The following SEC16A variants were observed in gnomAD, a reference collection of about 807,000 sequenced individuals.
SEC16A encodes the protein SEC16 homolog A, endoplasmic reticulum export factor, also known as protein transport protein Sec16A.
In SEC16A, 110 loss-of-function variants were observed where a neutral mutation model predicts 221.9. That is an observed-to-expected ratio of 0.50 (90% CI 0.42 to 0.58). The LOEUF (loss-of-function observed/expected upper bound fraction) is 0.58. Among genes scored for constraint, SEC16A ranks in the 20% least tolerant of loss-of-function variants. SEC16A has a pLI of 0.00. For synonymous variants in SEC16A, 1,393 were observed against 1,257.7 expected (o/e 1.11, Z -2.28); for missense variants, 3,165 against 3,097.8 (o/e 1.02, Z -0.52).
At chr9:136,483,285 G>A, upstream of SEC16A, among the ~76,000 whole-genome samples, 1 of 93,790 alleles carries the variant, frequency 1.1e-5, no homozygotes, top group Non-Finnish European at 2.0e-5. Flanking sequence ...CTTTCGTCCC[G>A]CCCCCCGCCC....
intron 2 of SEC16A, among the ~76,000 whole-genome samples, chr9:136,478,176 G>A (rs898558978): frequency 2.0e-5 from 3 of 152,138 alleles, no homozygotes; most frequent in Admixed American, 6.5e-5. Flanking sequence ...AGGCCAAGGC[G>A]GGAGGACCAC....
chr9:136,467,860 A>C (rs1840350943), intron 5 of SEC16A, among the ~76,000 whole-genome samples: 2 of 152,198 alleles, frequency 1.3e-5, no homozygotes, highest in Admixed American at 6.5e-5. Flanking sequence ...TGACCGGAGG[A>C]GGCTCTTCCC....
At chr9:136,480,103 C>G (rs189781155) in intron 1 of SEC16A, among the ~76,000 whole-genome samples, 19 of 152,284 alleles carry the variant, frequency 1.2e-4, no homozygotes, top group African/African-American at 4.6e-4. Context: ...CATCTGAAAA[C>G]AAAGAATGTT....
intron 2 of SEC16A, among the ~76,000 whole-genome samples, chr9:136,478,361 C>T (rs1348758663): frequency 6.7e-6 from 1 of 148,728 alleles, no homozygotes; most frequent in Non-Finnish European, 1.5e-5. Flanking sequence ...TATGACAGCA[C>T]CACTACCCTT....
chr9:136,478,119 A>G (rs926798485), intron 2 of SEC16A, among the ~76,000 whole-genome samples: 5 of 152,216 alleles, frequency 3.3e-5, no homozygotes, highest in African/African-American at 1.2e-4. Flanking sequence ...AAGAAAGAAA[A>G]ACTGGCCAGA....
intron 2 of SEC16A, among the ~76,000 whole-genome samples, 176 bp downstream of exon 2, chr9:136,478,533 A>G (rs1233019239): frequency 6.6e-6 from 1 of 152,206 alleles, no homozygotes; most frequent in African/African-American, 2.4e-5. Context: ...TATGAAGTAT[A>G]GTTATAAAAG....
intron 20 of SEC16A, among the ~76,000 whole-genome samples, chr9:136,454,612 C>T (rs1379924007): frequency 2.6e-5 from 4 of 152,106 alleles, no homozygotes; most frequent in Non-Finnish European, 5.9e-5. Context: ...CCATGGCGGC[C>T]GCCTGGCACA....
chr9:136,474,554 T>C lies in SEC16A; in HGVS notation c.3062A>G (p.Gln1021Arg), dbSNP rs377041553. 2.0e-5 allele frequency: 33 copies of C among 1,612,776 alleles called. No homozygotes were observed. The highest frequency in any genetic ancestry group is 2.8e-5 in the Non-Finnish European group (33 of 1,179,814). ...TTGTCTGGGATGACTGGCAACACTTTGCTGAGAAGCGAGGCTGTCAGAATG... is the reference window on the plus strand; with the variant it reads ...TTGTCTGGGATGACTGGCAACACTTCGCTGAGAAGCGAGGCTGTCAGAATG... ...PSHSDSLASQ[Q>R]SVASHPRQSG... is the part of the protein sequence containing the mutation. Residue 1021 changes from glutamine to arginine, a missense_variant, in exon 3 of 32, where the codon CAA (glutamine) becomes CGA (arginine). Transcript: ENST00000684901.
At chr9:136,448,750 G>C in intron 23 of SEC16A, 1 of 711,832 alleles carries the variant, frequency 1.4e-6, no homozygotes, top group Non-Finnish European at 2.6e-6. Context: ...ATGGAGGTGG[G>C]GGGCAGATCC....
chr9:136,456,922 C>T (rs992607458), intron 18 of SEC16A, among the ~76,000 whole-genome samples: 1 of 152,146 alleles, frequency 6.6e-6, no homozygotes, highest in South Asian at 2.1e-4. Context: ...AATCCCAGCA[C>T]TTTGGGAGGC....
intron 3 of SEC16A, among the ~76,000 whole-genome samples, chr9:136,473,600 T>A (rs559016791): frequency 6.6e-6 from 1 of 152,344 alleles, no homozygotes; most frequent in East Asian, 1.9e-4. Flanking sequence ...TTTCTCTCCA[T>A]GTTTTTATTC....
Position 136,476,131 on chromosome 9 carries a change from T to C in SEC16A, c.1485A>G (p.Pro495=), listed in dbSNP as rs1185001821. The C allele has an allele frequency of 1.2e-6, 2 of 1,613,638 alleles. No individual in the cohort carries two copies. The highest frequency in any genetic ancestry group is 1.3e-5 in the African/African-American group (1 of 74,924). The change falls in exon 3 of 32, where the codon CCA becomes CCG. Residue 495 remains proline (P), a synonymous_variant. Coordinates refer to ENST00000684901, the MANE Select transcript of SEC16A (RefSeq NM_014866.2). ...DQFRYGPLPG[P]AVPRHGAVCH... The stretch of plus-strand genomic sequence containing the variant: ...ACACAGCACCATGCCTGGGCACAGC[T>C]GGCCCAGGAAGGGGCCCATATCTGA...
chr9:136,455,448 G>A (rs538782280), intron 20 of SEC16A, among the ~76,000 whole-genome samples, 153 bp downstream of exon 20: 8 of 152,238 alleles, frequency 5.3e-5, no homozygotes, highest in Admixed American at 2.0e-4. Flanking sequence ...GGAGGAGACC[G>A]AGGAGCCCCA....
At chr9:136,458,921 G>A (rs1839097081) in intron 17 of SEC16A, among the ~76,000 whole-genome samples, 1 of 152,118 alleles carries the variant, frequency 6.6e-6, no homozygotes, top group Non-Finnish European at 1.5e-5. Context: ...AAAAGCTCAT[G>A]AAAATAATTG....
Position 136,476,100 on chromosome 9 carries a change from T to C in SEC16A, c.1516A>G (p.Thr506Ala), listed in dbSNP as rs774487311. 11 of 1,613,514 alleles carry C rather than the reference T, an allele frequency of 6.8e-6. No individual in the cohort carries two copies. The highest frequency in any genetic ancestry group is 5.0e-5 in the Admixed American group (3 of 59,978). Residue 506 changes from threonine (T) to alanine (A), a missense_variant, in exon 3 of 32, where the codon ACC becomes GCC. Thr to Ala is a moderately conservative substitution (Grantham distance 58). Around this residue, in one of 3 missense-constraint regions of SEC16A, gnomAD observed 2,030 missense variants for 1,923.1 expected, o/e 1.06. Transcript: ENST00000684901. ...AVPRHGAVCHTGAPDATLHTV... is the reference protein window; with the variant it reads ...AVPRHGAVCHAGAPDATLHTV... ...TGCAGTGTGGCATCAGGGGCTCCGGTGTGGCACACAGCACCATGCCTGGGC... is the reference window on the plus strand; with the variant it reads ...TGCAGTGTGGCATCAGGGGCTCCGGCGTGGCACACAGCACCATGCCTGGGC...
Position 136,447,557 on chromosome 9 carries a change from G to A in SEC16A, c.6559+12C>T. 6.2e-7 allele frequency: 1 copy of A among 1,604,104 alleles called. No individual in the cohort carries two copies. Among genetic ancestry groups the A allele is most frequent in the Non-Finnish European group, 8.5e-7 (1 of 1,170,964 alleles). On this transcript the variant is annotated intron_variant, in intron 26 of 31. Transcript: ENST00000684901. The surrounding 1 kb of genome is among the most constrained non-coding windows in gnomAD (Gnocchi z 5.5). ...TCGTTCAAGCAAGCTCCCACTCCAA[G>A]GCCACCCTTACCTGCTCTTCTAGAG...
chr9:136,451,136 G>C lies in SEC16A; in HGVS notation c.6312+120C>G. ...ATGCCGTGTGCACTGTAGACACTCGGCTGTTTGTATCAGGAGGCTATTTGC... is the reference window on the plus strand; with the variant it reads ...ATGCCGTGTGCACTGTAGACACTCGCCTGTTTGTATCAGGAGGCTATTTGC... On this transcript the variant is annotated intron_variant, in intron 23 of 31. Coordinates refer to ENST00000684901, the MANE Select transcript of SEC16A (RefSeq NM_014866.2). 3.9e-6 allele frequency: 4 copies of C among 1,035,064 alleles called. No individual in the cohort carries two copies. In the South Asian group the frequency reaches 6.2e-5, roughly 16 times the overall value. 64.1% of individuals were successfully genotyped at this position (1,035,064 alleles called of 1,614,324 possible). A position where few individuals can be genotyped will look rare whatever the true frequency, so the allele number is the denominator to read the frequency against.
Position 136,474,746 on chromosome 9 carries a change from C to G in SEC16A, c.2870G>C (p.Ser957Thr). 1 of 1,613,902 alleles carries G rather than the reference C, an allele frequency of 6.2e-7. No homozygotes were observed. The highest frequency in any genetic ancestry group is 8.5e-7 in the Non-Finnish European group (1 of 1,179,876). The change falls in exon 3 of 32, where the codon AGC becomes ACC. Residue 957 changes from serine (S) to threonine (T), a missense_variant. Transcript: ENST00000684901. The stretch of plus-strand genomic sequence containing the variant: ...CACCACACTTGTGCTTCCAGCAGGG[C>G]TATTAGCAAATCCGGGAAGAGCACT... The part of the protein sequence containing the change: ...AGSALPGFAN[S>T]PAGSTSVVLV...
chr9:136,451,434 C>G (rs776959826), intron 22 of SEC16A, 26 bp from the exon 23 acceptor site: 1 of 1,568,100 alleles, frequency 6.4e-7, no homozygotes, highest in Non-Finnish European at 8.6e-7. Context: ...GCAGAACAGG[C>G]TCTCCTGGGG....
Sources: gnomAD v4.1 joint callset for allele counts (sites outside exome capture counted in the v4.1 genomes callset) on GRCh38, gnomAD v4.1.1 for gene constraint, gnomAD v4.1.1 regional missense constraint, Gnocchi (gnomAD v3.1) non-coding constraint, MANE v1.5 for transcripts, NCBI Gene and HGNC (gene_info 2026-07-23, HGNC 2026-07-21) for gene names.